The following IPO13 variants were observed in gnomAD, a reference collection of about 807,000 sequenced individuals.
IPO13 encodes importin-13.
A neutral mutation model predicts 115.5 loss-of-function variants in IPO13; 28 were observed. The observed-to-expected ratio is 0.24, with a 90% confidence interval of 0.18 to 0.33. The LOEUF is 0.33. IPO13 is among the 10% of genes least tolerant of loss of function. The pLI is 1.00. For synonymous variants in IPO13, 414 were observed against 478.9 expected (o/e 0.86, Z 1.77); for missense variants, 785 against 1,204.6 (o/e 0.65, Z 5.16).
intron 15 of IPO13, among the ~76,000 whole-genome samples, chr1:43,965,773 G>C (rs1179461402): frequency 6.6e-6 from 1 of 151,486 alleles, no homozygotes; most frequent in Non-Finnish European, 1.5e-5. Context: ...ATGGGGGGTA[G>C]AGGGGATGTG....
intron 1 of IPO13, among the ~76,000 whole-genome samples, chr1:43,948,755 G>A (rs2085185552): frequency 6.6e-6 from 1 of 152,222 alleles, no homozygotes; most frequent in Non-Finnish European, 1.5e-5. Flanking sequence ...AGACCCCGGG[G>A]ATTCTGCTAG....
intron 13 of IPO13, 47 bp downstream of exon 13, chr1:43,961,060 G>A (rs373904687): frequency 1.9e-6 from 3 of 1,611,942 alleles, no homozygotes; most frequent in African/African-American, 1.3e-5. Context: ...GGTGGGGGTG[G>A]GTCAGATGGC....
At position 43,958,207 on chromosome 1, in the gene IPO13, T is replaced by G; in HGVS notation, c.1723-35T>G. On this transcript the variant is annotated intron_variant, in intron 8 of 19. Coordinates refer to ENST00000372343, the MANE Select transcript of IPO13 (RefSeq NM_014652.4). The surrounding 1 kb of genome is among the most constrained non-coding windows in gnomAD (Gnocchi z 6.3). ...CTGGGCCTCAGAGCACACTCTGCAC[T>G]GTGCTGATACTACATTCCTTCTTTC... 6.2e-7 allele frequency: 1 copy of G among 1,614,114 alleles called. No homozygotes were observed. Among genetic ancestry groups the G allele is most frequent in the Non-Finnish European group, 8.5e-7 (1 of 1,179,986 alleles).
In IPO13 at chr1:43,966,680, C is replaced by A; in HGVS notation, c.2464+39C>A. 1 of 1,614,086 alleles carries A rather than the reference C, an allele frequency of 6.2e-7. No individual in the cohort carries two copies. On this transcript the variant is annotated intron_variant, in intron 16 of 19. Transcript: ENST00000372343. This position sits in a 1 kb window ranked among gnomAD's most constrained non-coding sequence, Gnocchi z 4.1. ...GATGGACAGGTGGGCCTGGGGCTCC[C>A]CTAGAAGGATCGTTAAACTGATCTG...
At chr1:43,950,278 A>AT in intron 2 of IPO13, 125 bp downstream of exon 2, 9 of 1,129,048 alleles carry the variant, frequency 8.0e-6, no homozygotes, top group Non-Finnish European at 1.1e-5. Context: ...GAGATACAGC[A>AT]AGGAACCAAA....
rs529767939 is a variant in IPO13, at chr1:43,950,204, A to T, written c.821+51A>T. On this transcript the variant is annotated intron_variant, in intron 2 of 19. Transcript: ENST00000372343. ...AGACAACCTCTTTGGCCAGCCACACATCCATCCATCCATCTGTTCAATAAA... is the reference window on the plus strand; with the variant it reads ...AGACAACCTCTTTGGCCAGCCACACTTCCATCCATCCATCTGTTCAATAAA... 12 of 1,530,902 alleles carry T rather than the reference A, an allele frequency of 7.8e-6. No homozygotes were observed. In the Admixed American group the frequency reaches 9.7e-5, roughly 12 times the overall value. 94.8% of individuals were successfully genotyped at this position (1,530,902 alleles called of 1,614,324 possible).
intron 14 of IPO13, among the ~76,000 whole-genome samples, chr1:43,963,687 G>A (rs1471773431): frequency 6.6e-6 from 1 of 152,210 alleles, no homozygotes; most frequent in Non-Finnish European, 1.5e-5. Context: ...GAGTCCTGTG[G>A]TTTAAGTGGA....
chr1:43,966,849 A>G lies in IPO13; in HGVS notation c.2523+67A>G. The G allele has an allele frequency of 1.2e-6, 2 of 1,603,402 alleles. No homozygotes were observed. The highest frequency in any genetic ancestry group is 2.2e-5 in the South Asian group (2 of 90,840). On this transcript the variant is annotated intron_variant, in intron 17 of 19. Coordinates refer to ENST00000372343, the MANE Select transcript of IPO13 (RefSeq NM_014652.4). The surrounding 1 kb of genome is among the most constrained non-coding windows in gnomAD (Gnocchi z 4.1). ...CCCTCCCCTGCCCAGGACTTCAGAC[A>G]GTAGGGCTGGGGTGTACAGGTCTTG...
At chr1:43,959,006 T>C (rs1294395901) in intron 11 of IPO13, 117 bp downstream of exon 11, 3 of 1,022,262 alleles carry the variant, frequency 2.9e-6, no homozygotes, top group African/African-American at 1.6e-5. Flanking sequence ...TTGTTCTCCC[T>C]GCCCCGTGGG....
Position 43,957,160 on chromosome 1 carries a change from C to T in IPO13, c.1272-35C>T, listed in dbSNP as rs573742411. 70 of 1,606,802 alleles carry T rather than the reference C, an allele frequency of 4.4e-5. 3 individuals are homozygous for T. In the South Asian group the frequency reaches 7.4e-4, roughly 17 times the overall value. ...TGGGGGCAGGATCCAGGGTCAGGATCCAGGCAGTATAAAAGGCCTTCATCT... is the reference window on the plus strand; with the variant it reads ...TGGGGGCAGGATCCAGGGTCAGGATTCAGGCAGTATAAAAGGCCTTCATCT... On this transcript the variant is annotated intron_variant, in intron 5 of 19. Coordinates refer to ENST00000372343, the MANE Select transcript of IPO13 (RefSeq NM_014652.4).
chr1:43,948,611 T>C (rs2085184231), intron 1 of IPO13, among the ~76,000 whole-genome samples: 1 of 152,232 alleles, frequency 6.6e-6, no homozygotes, highest in South Asian at 2.1e-4. Flanking sequence ...GGAGCCTGCT[T>C]AGGGGTCAGG....
intron 14 of IPO13, among the ~76,000 whole-genome samples, chr1:43,963,756 G>T (rs1402962573): frequency 1.3e-5 from 2 of 152,204 alleles, no homozygotes; most frequent in African/African-American, 4.8e-5. Flanking sequence ...AAGTGAGGTG[G>T]CACTTACTCA....
intron 5 of IPO13, 73 bp downstream of exon 5, chr1:43,957,049 T>C (rs1257490690): frequency 1.3e-6 from 2 of 1,571,608 alleles, no homozygotes; most frequent in Admixed American, 1.8e-5. Flanking sequence ...GGGGCCCAAG[T>C]CCAGGCTTTC....
chr1:43,947,608 G>C lies in IPO13; in HGVS notation c.8G>C (p.Arg3Pro). Residue 3 changes from arginine (R) to proline (P), a missense_variant, in exon 1 of 20, where the codon CGG (arginine) becomes CCG (proline). By Grantham distance (103) the Arg-to-Pro change is moderately radical. Coordinates refer to ENST00000372343, the MANE Select transcript of IPO13 (RefSeq NM_014652.4). ...GCCAGGGAGGGAGCAAAGATGGAGC[G>C]GCGGGAGGAGCAGCCGGGGGCTGCA... is the stretch of plus-strand genomic sequence containing the variant. MERREEQPGAAGA... is the reference protein window; with the variant it reads MEPREEQPGAAGA... The C allele has an allele frequency of 7.6e-7, 1 of 1,314,518 alleles. No individual in the cohort carries two copies. The highest frequency in any genetic ancestry group is 9.8e-7 in the Non-Finnish European group (1 of 1,024,538). 81.4% of individuals were successfully genotyped at this position (1,314,518 alleles called of 1,614,324 possible).
At chr1:43,951,694 A>T (rs2085209797) in intron 2 of IPO13, among the ~76,000 whole-genome samples, 1 of 152,224 alleles carries the variant, frequency 6.6e-6, no homozygotes, top group African/African-American at 2.4e-5. Flanking sequence ...GATTAGAAGA[A>T]GTGAGACTGG....
chr1:43,966,288 A>C lies in IPO13; in HGVS notation c.2398-287A>C. The C allele has an allele frequency of 1.9e-6, 1 of 528,078 alleles. No individual in the cohort carries two copies. Among genetic ancestry groups the C allele is most frequent in the Non-Finnish European group, 3.4e-6 (1 of 291,046 alleles). 32.7% of individuals were successfully genotyped at this position (528,078 alleles called of 1,614,324 possible). On this transcript the variant is annotated intron_variant, in intron 15 of 19. Transcript: ENST00000372343. The surrounding 1 kb of genome is among the most constrained non-coding windows in gnomAD (Gnocchi z 4.1). ...ATCTGGCCCTGATGGAGGGGGAGGG[A>C]AAGGTGTCTGGAACCCAAACTTTCT... is the stretch of plus-strand genomic sequence containing the variant.
intron 15 of IPO13, among the ~76,000 whole-genome samples, chr1:43,965,642 CTG>C (rs1193329477): frequency 2.0e-5 from 3 of 151,396 alleles, no homozygotes; most frequent in Admixed American, 2.0e-4. Context: ...TGGTGTATGA[CTG>C]TGTAATGAGG....
Position 43,967,783 on chromosome 1 carries a change from C to A in IPO13, c.*101C>A. 9.0e-7 allele frequency: 1 copy of A among 1,109,470 alleles called. No homozygotes were observed. Among genetic ancestry groups the A allele is most frequent in the Non-Finnish European group, 1.3e-6 (1 of 746,194 alleles). 68.7% of individuals were successfully genotyped at this position (1,109,470 alleles called of 1,614,324 possible). A position where few individuals can be genotyped will look rare whatever the true frequency, so the allele number is the denominator to read the frequency against. Reference sequence around the variant, plus strand: ...TGTCTCTGCCTCCTTTCTGCTGTCACCACCACCTAACTGAAAGCCTGGGTC... The same window carrying A: ...TGTCTCTGCCTCCTTTCTGCTGTCAACACCACCTAACTGAAAGCCTGGGTC... On this transcript the variant is annotated 3_prime_UTR_variant, in exon 20 of 20. Coordinates refer to ENST00000372343, the MANE Select transcript of IPO13 (RefSeq NM_014652.4). This position sits in a 1 kb window ranked among gnomAD's most constrained non-coding sequence, Gnocchi z 6.1.
At position 43,956,659 on chromosome 1, in the gene IPO13, G is replaced by C; in HGVS notation, c.1062G>C (p.Glu354Asp). The C allele has an allele frequency of 6.2e-7, 1 of 1,614,202 alleles. No homozygotes were observed. The highest frequency in any genetic ancestry group is 8.5e-7 in the Non-Finnish European group (1 of 1,180,038). The stretch of plus-strand genomic sequence containing the variant: ...TCCCTGGCCACTATCCTGTCAATGA[G>C]ACCACCAGCTCCCTAACCCTCACCT... The part of the protein sequence containing the change: ...TGIPGHYPVN[E>D]TTSSLTLTFW... The change falls in exon 4 of 20, where the codon GAG becomes GAC. Residue 354 changes from glutamate (E) to aspartate (D), a missense_variant. Coordinates refer to ENST00000372343, the MANE Select transcript of IPO13 (RefSeq NM_014652.4). The surrounding 1 kb of genome is among the most constrained non-coding windows in gnomAD (Gnocchi z 4.7).
Sources: allele counts gnomAD v4.1 joint callset (sites outside exome capture counted in the v4.1 genomes callset), GRCh38; gene constraint gnomAD v4.1.1; non-coding constraint Gnocchi (gnomAD v3.1); transcripts MANE v1.5; gene names NCBI Gene and HGNC (gene_info 2026-07-23, HGNC 2026-07-21).